BSN: variants seen among roughly 807,000 people sequenced by gnomAD.
BSN encodes the protein protein bassoon.
In BSN, 57 loss-of-function variants were observed where a neutral mutation model predicts 264.8. The observed-to-expected ratio is 0.22, with a 90% CI of 0.17 to 0.27. BSN has a LOEUF of 0.27. Ranked by LOEUF, BSN falls within the 10% of genes least tolerant of loss-of-function variation. The pLI is 1.00. For synonymous variants in BSN, 2,059 were observed against 2,137.3 expected, an observed-to-expected ratio of 0.96 and a Z score of 1.01; for missense variants, 4,615 against 5,232.5, an observed-to-expected ratio of 0.88 and a Z score of 3.64.
chr3:49,648,814 G>C (rs1390536569), intron 3 of BSN, among the ~76,000 whole-genome samples: 2 of 152,234 alleles, frequency 1.3e-5, no homozygotes, highest in African/African-American at 4.8e-5. Context: ...GCTGTGCAGA[G>C]AACAGAGTGA....
rs563522497 is a variant in BSN, at chr3:49,559,226, C to T, written c.224+4400C>T. On this transcript the variant is annotated intron_variant, in intron 1 of 11. Transcript: ENST00000296452. ...ACAGGCATGAGCCACTGTGCCTGGC[C>T]GAGAAATGCTATCTTAAACATTTTT... Among the ~76,000 whole-genome samples the T allele has an allele frequency of 8.5e-5, 13 of 152,224 alleles. No homozygotes were observed. The South Asian group carries it at 1.2e-3, about 15-fold the overall frequency.
Position 49,652,136 on chromosome 3 carries a change from T to G in BSN, c.2580T>G (p.Asp860Glu). The stretch of plus-strand genomic sequence containing the variant: ...CCGAGGAAGACAACCTGGAGGAGGA[T>G]GACACTGCCACCTCCGGGCGTGGCC... ...MSAEEDNLEE[D>E]DTATSGRGLA... is the part of the protein sequence containing the mutation. The change falls in exon 5 of 12, where the codon GAT becomes GAG. Residue 860 changes from aspartate (D) to glutamate (E), a missense_variant. By Grantham distance (45) the Asp-to-Glu change is conservative. This residue lies in a region of BSN where 1,197 missense variants were observed against 1,348.0 expected (regional missense o/e 0.89). Transcript: ENST00000296452. The G allele has an allele frequency of 6.2e-7, 1 of 1,613,910 alleles. No individual in the cohort carries two copies. Among genetic ancestry groups the G allele is most frequent in the Non-Finnish European group, 8.5e-7 (1 of 1,179,890 alleles).
chr3:49,664,854 G>A lies in BSN; in HGVS notation c.*14+1G>A, dbSNP rs758414653. The A allele has an allele frequency of 6.2e-7, 1 of 1,607,944 alleles. No individual in the cohort carries two copies. The highest frequency in any genetic ancestry group is 8.5e-7 in the Non-Finnish European group (1 of 1,176,880). ...CATTCTGGTGACCATGCCCAGCATG[G>A]TGAGTACAAGCAGCCTGTACCTTGC... On this transcript the variant is annotated splice_donor_variant, in intron 10 of 11. Coordinates refer to ENST00000296452, the MANE Select transcript of BSN (RefSeq NM_003458.4). LOFTEE classifies it low-confidence loss of function (3UTR_SPLICE).
rs778416557 is a variant in BSN, at chr3:49,663,118, T to G, written c.10960T>G (p.Ser3654Ala). ...CCGGCACGGTGACCACGGGCGGCAC[T>G]CAGGCCGCCACACTGGTGAGGAGCC... is the stretch of plus-strand genomic sequence containing the variant. ...EHRHGDHGRH[S>A]GRHTGEEPGR... The change falls in exon 7 of 12, where the codon TCA becomes GCA. Residue 3654 changes from serine to alanine, a missense_variant. Ser to Ala is a moderately conservative substitution (Grantham distance 99). Around this residue, in one of 3 missense-constraint regions of BSN, gnomAD observed 3,415 missense variants for 3,866.4 expected, o/e 0.88. Coordinates refer to ENST00000296452, the MANE Select transcript of BSN (RefSeq NM_003458.4). 20 of 1,611,420 alleles carry G rather than the reference T, an allele frequency of 1.2e-5. No individual in the cohort carries two copies. The highest frequency in any genetic ancestry group is 1.6e-5 in the Non-Finnish European group (19 of 1,179,520).
chr3:49,616,465 C>T (rs1282222478), intron 1 of BSN, among the ~76,000 whole-genome samples: 2 of 152,236 alleles, frequency 1.3e-5, no homozygotes, highest in African/African-American at 2.4e-5. Flanking sequence ...AGCTGTGGGG[C>T]TCTTCTGGCC....
intron 1 of BSN, among the ~76,000 whole-genome samples, chr3:49,589,105 TA>T (rs2051958228): frequency 8.3e-6 from 1 of 120,606 alleles, no homozygotes; most frequent in African/African-American, 3.0e-5. Context: ...TTGTATTTTT[TA>T]GTAGAGACGG....
intron 2 of BSN, among the ~76,000 whole-genome samples, chr3:49,637,511 T>C (rs949748375): frequency 2.6e-5 from 4 of 152,196 alleles, no homozygotes; most frequent in Non-Finnish European, 4.4e-5. Flanking sequence ...GGAGTGACCA[T>C]TGCAGACAGA....
chr3:49,565,144 CT>C (rs971015437), intron 1 of BSN, among the ~76,000 whole-genome samples: 2,255 of 104,436 alleles, frequency 0.022, 2 homozygotes, highest in Non-Finnish European at 0.034. Context: ...AGAGGATTTT[CT>C]TTTTTTTTTT....
Position 49,664,873 on chromosome 3 carries a change from A to T in BSN, c.*14+20A>T. Reference sequence around the variant, plus strand: ...AGCATGGTGAGTACAAGCAGCCTGTACCTTGCCTCTTCTGGGAAAGGCCCG... The same window carrying T: ...AGCATGGTGAGTACAAGCAGCCTGTTCCTTGCCTCTTCTGGGAAAGGCCCG... On this transcript the variant is annotated intron_variant, in intron 10 of 11. Transcript: ENST00000296452. The T allele has an allele frequency of 6.5e-7, 1 of 1,537,626 alleles. No homozygotes were observed. The highest frequency in any genetic ancestry group is 8.8e-7 in the Non-Finnish European group (1 of 1,139,828).
intron 2 of BSN, among the ~76,000 whole-genome samples, chr3:49,629,714 G>A (rs1377170876): frequency 6.6e-6 from 1 of 152,186 alleles, no homozygotes; most frequent in African/African-American, 2.4e-5. Context: ...TAGAGTGAAG[G>A]GGCCCACGCT....
rs754879376 is a variant in BSN, at chr3:49,652,131, G to A, written c.2575G>A (p.Glu859Lys). 1 of 1,614,000 alleles carries A rather than the reference G, an allele frequency of 6.2e-7. No individual in the cohort carries two copies. Among genetic ancestry groups the A allele is most frequent in the East Asian group, 2.2e-5 (1 of 44,878 alleles). The change falls in exon 5 of 12, where the codon GAG becomes AAG. Residue 859 changes from glutamate (E) to lysine (K), a missense_variant. By Grantham distance (56) the Glu-to-Lys change is moderately conservative. This residue lies in a region of BSN where 1,197 missense variants were observed against 1,348.0 expected (regional missense o/e 0.89). Coordinates refer to ENST00000296452, the MANE Select transcript of BSN (RefSeq NM_003458.4). ...EMSAEEDNLE[E>K]DDTATSGRGL... ...GAGCGCCGAGGAAGACAACCTGGAG[G>A]AGGATGACACTGCCACCTCCGGGCG...
intron 1 of BSN, among the ~76,000 whole-genome samples, chr3:49,564,582 G>T (rs954059274): frequency 6.6e-6 from 1 of 152,194 alleles, no homozygotes; most frequent in African/African-American, 2.4e-5. Flanking sequence ...ATCTGACCTG[G>T]AGTGGGGTGG....
In BSN at chr3:49,654,680, G is replaced by A. The variant is rs780271216; in HGVS notation, c.5124G>A (p.Ser1708=). Reference sequence around the variant, plus strand: ...TGGATCCAATCCCAGGACGGCAGTCGACCGCCGTGCAGCCCTTGGTTATCA... The same window carrying A: ...TGGATCCAATCCCAGGACGGCAGTCAACCGCCGTGCAGCCCTTGGTTATCA... The part of the protein sequence containing the change: ...LALDPIPGRQ[S]TAVQPLVINL... The change falls in exon 5 of 12, where the codon TCG becomes TCA. Residue 1708 remains serine (S), a synonymous_variant. Coordinates refer to ENST00000296452, the MANE Select transcript of BSN (RefSeq NM_003458.4). This position sits in a 1 kb window ranked among gnomAD's most constrained non-coding sequence, Gnocchi z 4.1. 5 of 1,613,666 alleles carry A rather than the reference G, an allele frequency of 3.1e-6. No homozygotes were observed. The South Asian group carries it at 3.3e-5, about 11-fold the overall frequency.
At chr3:49,574,706 GCTCA>G (rs1234370164) in intron 1 of BSN, among the ~76,000 whole-genome samples, 2 of 145,498 alleles carry the variant, frequency 1.4e-5, no homozygotes, top group Admixed American at 1.4e-4. Context: ...CACAATCTCG[GCTCA>G]CTGCAACCTC....
intron 3 of BSN, among the ~76,000 whole-genome samples, chr3:49,646,745 G>T (rs948547856): frequency 6.6e-6 from 1 of 152,226 alleles, no homozygotes; most frequent in African/African-American, 2.4e-5. Context: ...GCTGGTGTAA[G>T]CTTTTGGTAT....
chr3:49,564,997 A>G (rs1260420674), intron 1 of BSN, among the ~76,000 whole-genome samples: 1 of 137,780 alleles, frequency 7.3e-6, no homozygotes, highest in African/African-American at 3.1e-5. Flanking sequence ...GAGAAAGGTA[A>G]AAAAAAAAAA....
Position 49,661,606 on chromosome 3 carries a change from T to C in BSN, c.9761T>C (p.Leu3254Pro), listed in dbSNP as rs1312785930. 3 of 1,613,694 alleles carry C rather than the reference T, an allele frequency of 1.9e-6. No individual in the cohort carries two copies. Among genetic ancestry groups the C allele is most frequent in the Middle Eastern group, 1.6e-4 (1 of 6,062 alleles). ...STSTAPDSQR[L>P]EPLGPGSSGR... ...TCTACTGCTCCTGATAGCCAACGGC[T>C]GGAGCCCCTGGGGCCAGGCAGCAGT... Residue 3254 changes from leucine (L) to proline (P), a missense_variant, in exon 6 of 12, where the codon CTG becomes CCG. Transcript: ENST00000296452.
At chr3:49,613,303 C>CGAGAGAGAGAGAGAGA (rs752108805) in intron 1 of BSN, among the ~76,000 whole-genome samples, 2,349 of 47,320 alleles carry the variant, frequency 0.05, 665 homozygotes, top group East Asian at 0.15. Flanking sequence ...ACACACAGAG[C>CGAGAGAGAGAGAGAGA]GAGAGAGAGA....
chr3:49,587,707 A>G (rs1161140843), intron 1 of BSN, among the ~76,000 whole-genome samples: 2 of 125,538 alleles, frequency 1.6e-5, no homozygotes, highest in Non-Finnish European at 3.5e-5. Context: ...GCCTGTGACC[A>G]GTATGATTGG....
Sources: gnomAD v4.1 joint callset for allele counts (sites outside exome capture counted in the v4.1 genomes callset) on GRCh38, gnomAD v4.1.1 for gene constraint, gnomAD v4.1.1 regional missense constraint, Gnocchi (gnomAD v3.1) non-coding constraint, MANE v1.5 for transcripts, NCBI Gene and HGNC (gene_info 2026-07-23, HGNC 2026-07-21) for gene names.